The following TOM1 variants were observed in gnomAD, a reference collection of about 807,000 sequenced individuals.
The protein encoded by TOM1 is target of Myb protein 1.
A neutral mutation model predicts 61.3 loss-of-function variants in TOM1; 38 were observed. The observed-to-expected ratio is 0.62, with a 90% CI of 0.48 to 0.81. The LOEUF (loss-of-function observed/expected upper bound fraction) is 0.81. TOM1 is among the 40% of genes least tolerant of loss of function. TOM1 has a pLI of 0.00. For synonymous variants in TOM1, 270 were observed against 268.8 expected (o/e 1.00, Z -0.04); for missense variants, 591 against 659.6 (o/e 0.90, Z 1.14).
At chr22:35,322,103 C>A in intron 3 of TOM1, 66 bp downstream of exon 3, 1 of 1,432,308 alleles carries the variant, frequency 7.0e-7, no homozygotes, top group Non-Finnish European at 9.8e-7. Context: ...TCCCCTCAGA[C>A]CCAGCAGGAC....
intron 2 of TOM1, among the ~76,000 whole-genome samples, chr22:35,318,583 CGT>C (rs2145643561): frequency 6.6e-6 from 1 of 152,348 alleles, no homozygotes; most frequent in Non-Finnish European, 1.5e-5. Flanking sequence ...ATGTCTGACT[CGT>C]TGTCACTGAC....
chr22:35,318,213 A>G (rs1927476441), intron 2 of TOM1: 2 of 560,898 alleles, frequency 3.6e-6, no homozygotes, highest in East Asian at 5.8e-5. Context: ...CAGATTCCAC[A>G]CGGATCTGGA....
rs530604715 is a variant in TOM1 at position 35,343,230 on chromosome 22, ACAC to A, written c.1225-2494_1225-2492del. ...ACACACACCCCTACACACACCACAC[ACAC>A]ATCTACACCCACCACACACACCTCC... On this transcript the variant is annotated intron_variant, in intron 12 of 14. Transcript: ENST00000449058. 2.2e-3 allele frequency among the ~76,000 whole-genome samples: 300 copies of A among 135,168 alleles called. 2 individuals carry two copies. Among genetic ancestry groups the A allele is most frequent in the African/African-American group, 8.4e-3 (295 of 34,988 alleles). 88.7% of individuals were successfully genotyped at this position (135,168 alleles called of 152,430 possible). A position where few individuals can be genotyped will look rare whatever the true frequency, so the allele number is the denominator to read the frequency against.
chr22:35,303,504 CTT>C lies in TOM1; in HGVS notation c.52+3541_52+3542del, dbSNP rs528560916. The stretch of plus-strand genomic sequence containing the variant: ...ATCACCATCATCATTTTTATTATTT[CTT>C]TTTTTTTTTTTTTTTTGAGACAGAG... On this transcript the variant is annotated intron_variant, in intron 1 of 14. Coordinates refer to ENST00000449058, the MANE Select transcript of TOM1 (RefSeq NM_005488.3). Among the ~76,000 whole-genome samples the C allele has an allele frequency of 4.9e-3, 650 of 131,522 alleles. 4 individuals are homozygous for C. Among genetic ancestry groups the C allele is most frequent in the African/African-American group, 0.017 (591 of 35,362 alleles). 86.3% of individuals were successfully genotyped at this position (131,522 alleles called of 152,430 possible). A position where few individuals can be genotyped will look rare whatever the true frequency, so the allele number is the denominator to read the frequency against.
At chr22:35,330,201 A>G (rs1928706601) in intron 7 of TOM1, 146 bp from the exon 8 acceptor site, 9 of 739,524 alleles carry the variant, frequency 1.2e-5, no homozygotes, top group Non-Finnish European at 1.9e-5. Flanking sequence ...GGAGAATGGC[A>G]TGAACCCAGG....
In TOM1 at chr22:35,330,449, A is replaced by G. The variant is rs774084309; in HGVS notation, c.868A>G (p.Asn290Asp). 6.2e-7 allele frequency: 1 copy of G among 1,613,230 alleles called. No individual in the cohort carries two copies. Among genetic ancestry groups the G allele is most frequent in the Non-Finnish European group, 8.5e-7 (1 of 1,179,702 alleles). Residue 290 changes from asparagine (N) to aspartate (D), a missense_variant, in exon 8 of 15, where the codon AAT (asparagine) becomes GAT (aspartate). Physicochemically the swap from Asn to Asp is conservative, Grantham distance 23. Coordinates refer to ENST00000449058, the MANE Select transcript of TOM1 (RefSeq NM_005488.3). ...LTEELLIVND[N>D]LNNVFLRHER... is the part of the protein sequence containing the mutation. The stretch of plus-strand genomic sequence containing the variant: ...AGAGGAGCTGCTCATCGTCAATGAC[A>G]ATCTCAACAATGTGTTCCTGCGCCA...
Position 35,324,412 on chromosome 22 carries a change from C to CAAAAAA in TOM1, c.648+517_648+522dup, listed in dbSNP as rs58401864. 3.9e-4 allele frequency among the ~76,000 whole-genome samples: 24 copies of CAAAAAA among 61,174 alleles called. 1 individual carries two copies. The highest frequency in any genetic ancestry group is 1.1e-3 in the African/African-American group (21 of 19,876). The allele number at this position is 61,174 out of a possible 152,430, so 40.1% of individuals were successfully genotyped here. A position where few individuals can be genotyped will look rare whatever the true frequency, so the allele number is the denominator to read the frequency against. On this transcript the variant is annotated intron_variant, in intron 6 of 14. Transcript: ENST00000449058. ...CTGGGCAACATAGAGAGACCTGTTT[C>CAAAAAA]AAAAAAAAAAAAAAAAAAAAAAAAG...
At position 35,333,483 on chromosome 22, in the gene TOM1, A is replaced by G. The variant is rs2145691688; in HGVS notation, c.1013A>G (p.Gln338Arg). The G allele has an allele frequency of 1.2e-6, 2 of 1,614,144 alleles. No homozygotes were observed. The highest frequency in any genetic ancestry group is 3.3e-4 in the Middle Eastern group (2 of 6,062). ...GCAGCCACCGGCAACCTCTCATCCC[A>G]GCTGGCAGGAATGAGTAAGTGTGGT... ...DPAATGNLSS[Q>R]LAGMNLGSSS... Residue 338 changes from glutamine (Q) to arginine (R), a missense_variant, in exon 10 of 15, where the codon CAG becomes CGG. Coordinates refer to ENST00000449058, the MANE Select transcript of TOM1 (RefSeq NM_005488.3).
intron 12 of TOM1, among the ~76,000 whole-genome samples, chr22:35,342,756 C>G (rs537097697): frequency 6.6e-6 from 1 of 151,016 alleles, no homozygotes; most frequent in Non-Finnish European, 1.5e-5. Context: ...GACCTACACA[C>G]ACACCACACA....
intron 6 of TOM1, among the ~76,000 whole-genome samples, chr22:35,325,761 T>C (rs16995582): frequency 6.6e-6 from 1 of 152,230 alleles, no homozygotes; most frequent in African/African-American, 2.4e-5. Context: ...ATTAAGACGC[T>C]AATTACTTCC....
chr22:35,302,606 A>T (rs1925937519), intron 1 of TOM1, among the ~76,000 whole-genome samples: 1 of 152,072 alleles, frequency 6.6e-6, no homozygotes, highest in Admixed American at 6.6e-5. Context: ...TACTGGGATT[A>T]CAGGCATGAC....
At chr22:35,335,505 C>T (rs1929231857) in intron 11 of TOM1, 1 of 152,626 alleles carries the variant, frequency 6.6e-6, no homozygotes, top group Non-Finnish European at 1.5e-5. Flanking sequence ...GCTGCCGAGG[C>T]TACCCTGCAA....
intron 1 of TOM1, among the ~76,000 whole-genome samples, chr22:35,313,177 T>A (rs899870896): frequency 1.3e-5 from 2 of 151,968 alleles, no homozygotes; most frequent in Non-Finnish European, 1.5e-5. Flanking sequence ...TGAAGCCCCA[T>A]CTCTACTAAA....
rs5750099 is a variant in TOM1 at position 35,339,910 on chromosome 22, A to G, written c.1224+1122A>G. On this transcript the variant is annotated intron_variant, in intron 12 of 14. Coordinates refer to ENST00000449058, the MANE Select transcript of TOM1 (RefSeq NM_005488.3). ...CAGAGCGAGACTCCGTCTCAAAAAA[A>G]AAAAAAAGAGCGGACCCTAAAGCAG... 7.6e-3 allele frequency among the ~76,000 whole-genome samples: 1,160 copies of G among 151,902 alleles called. 69 individuals are homozygous for G. In the East Asian group the frequency reaches 0.15, roughly 19 times the overall value.
chr22:35,346,916 T>C lies in TOM1; in HGVS notation c.1285-14T>C. 6.2e-7 allele frequency: 1 copy of C among 1,611,956 alleles called. No individual in the cohort carries two copies. The highest frequency in any genetic ancestry group is 1.1e-5 in the South Asian group (1 of 90,906). ...CCCGGCTAACCTCTGCCTCCTTTCC[T>C]TCTACCTTCCCAGGGTAATGATGCG... On this transcript the variant is annotated splice_polypyrimidine_tract_variant and intron_variant, in intron 13 of 14. Transcript: ENST00000449058.
intron 7 of TOM1, 52 bp from the exon 8 acceptor site, chr22:35,330,295 G>T: frequency 6.5e-7 from 1 of 1,535,196 alleles, no homozygotes. Context: ...AAAAAGAGAC[G>T]GCCTCACTCT....
intron 1 of TOM1, among the ~76,000 whole-genome samples, chr22:35,312,611 C>A (rs937781039): frequency 1.3e-5 from 2 of 152,332 alleles, no homozygotes; most frequent in African/African-American, 4.8e-5. Flanking sequence ...GTTTATTCAT[C>A]CTCTGTCTTA....
Position 35,330,459 on chromosome 22 carries a change from A to G in TOM1, c.878A>G (p.Asn293Ser). 1 of 1,612,096 alleles carries G rather than the reference A, an allele frequency of 6.2e-7. No individual in the cohort carries two copies. Among genetic ancestry groups the G allele is most frequent in the Non-Finnish European group, 8.5e-7 (1 of 1,179,158 alleles). Reference sequence around the variant, plus strand: ...CTCATCGTCAATGACAATCTCAACAATGTGTTCCTGCGCCATGAACGGTAG... The same window carrying G: ...CTCATCGTCAATGACAATCTCAACAGTGTGTTCCTGCGCCATGAACGGTAG... ...ELLIVNDNLNNVFLRHERFER... is the reference protein window; with the variant it reads ...ELLIVNDNLNSVFLRHERFER... Residue 293 changes from asparagine (N) to serine (S), a missense_variant, in exon 8 of 15, where the codon AAT becomes AGT. Coordinates refer to ENST00000449058, the MANE Select transcript of TOM1 (RefSeq NM_005488.3).
chr22:35,324,007 C>T (rs1198846814), intron 6 of TOM1, 93 bp downstream of exon 6: 1 of 1,439,602 alleles, frequency 6.9e-7, no homozygotes, highest in Non-Finnish European at 9.3e-7. Context: ...ATCCACGGAG[C>T]CTCCACTTCT....
Sources: allele counts gnomAD v4.1 joint callset (sites outside exome capture counted in the v4.1 genomes callset), GRCh38; gene constraint gnomAD v4.1.1; transcripts MANE v1.5; gene names NCBI Gene and HGNC (gene_info 2026-07-23, HGNC 2026-07-21).